Variants in CSMD1 observed in about 807,000 individuals in gnomAD.
CSMD1 encodes CUB and Sushi multiple domains 1, also known as CUB and sushi domain-containing protein 1.
A neutral mutation model predicts 417.5 loss-of-function variants in CSMD1; 213 were observed. The ratio of observed to expected loss-of-function variants is 0.51; its 90% CI spans 0.46 to 0.57. The LOEUF is 0.57. Ranked by LOEUF, CSMD1 falls within the 20% of genes least tolerant of loss-of-function variation. The probability of loss-of-function intolerance (pLI) is 0.00; values close to 1 mark genes in which losing one functional copy is unlikely to be tolerated. For missense variants in CSMD1, 6,923 were observed against 4,529.7 expected (o/e 1.53, Z -15.17); for synonymous variants, 2,862 against 1,736.8 (o/e 1.65, Z -16.11).
intron 1 of CSMD1, among the ~76,000 whole-genome samples, chr8:4,664,508 C>T (rs1804796556): frequency 6.6e-6 from 1 of 152,056 alleles, no homozygotes; most frequent in South Asian, 2.1e-4. Flanking sequence ...CTGCAGTGAG[C>T]CGTGATCATA....
At chr8:4,030,975 G>T (rs146184398) in intron 4 of CSMD1, among the ~76,000 whole-genome samples, 3 of 152,142 alleles carry the variant, frequency 2.0e-5, no homozygotes, top group Non-Finnish European at 4.4e-5. Context: ...CTTTGGTCCA[G>T]TTATGAACAA....
At chr8:4,010,637 T>G (rs1816471485) in intron 4 of CSMD1, among the ~76,000 whole-genome samples, 2 of 152,054 alleles carry the variant, frequency 1.3e-5, no homozygotes, top group African/African-American at 2.4e-5. Flanking sequence ...CCCAAACACC[T>G]AAACTCATAA....
chr8:3,011,255 G>C (rs980639535), intron 52 of CSMD1, among the ~76,000 whole-genome samples: 2 of 152,148 alleles, frequency 1.3e-5, no homozygotes, highest in Non-Finnish European at 2.9e-5. Flanking sequence ...GAAAATCTGA[G>C]AACTGGTATA....
rs1414166348 is a variant in CSMD1 at position 3,052,556 on chromosome 8, A to T, written c.7566T>A (p.His2522Gln). The change falls in exon 50 of 70, where the codon CAT becomes CAA. Residue 2522 changes from histidine (H) to glutamine (Q), a missense_variant. Coordinates refer to ENST00000635120, the MANE Select transcript of CSMD1 (RefSeq NM_033225.6). ...GGCTGGATTCAAGCTTGAAGCCCTC[A>T]TGACATTCATAGACCACTTTACTGT... ...TLDSKVVYECHEGFKLESSQQ... is the reference protein window; with the variant it reads ...TLDSKVVYECQEGFKLESSQQ... 1.2e-6 allele frequency: 2 copies of T among 1,609,940 alleles called. No individual in the cohort carries two copies. The highest frequency in any genetic ancestry group is 4.5e-5 in the East Asian group (2 of 44,800).
At chr8:3,394,295 A>G (rs1418660916) in intron 17 of CSMD1, among the ~76,000 whole-genome samples, 1 of 148,186 alleles carries the variant, frequency 6.7e-6, no homozygotes, top group Non-Finnish European at 1.5e-5. Flanking sequence ...ATAAAATATT[A>G]TTATTATAAT....
Position 4,707,801 on chromosome 8 carries a change from C to T in CSMD1, c.86-70243G>A, listed in dbSNP as rs551968512. On this transcript the variant is annotated intron_variant, in intron 1 of 69. Transcript: ENST00000635120. ...ACTCGGGAGGCTGAAGCAGAAGAATCGCTTGAACTCGGGAGGGAGAGGTTG... is the reference window on the plus strand; with the variant it reads ...ACTCGGGAGGCTGAAGCAGAAGAATTGCTTGAACTCGGGAGGGAGAGGTTG... Among the ~76,000 whole-genome samples the T allele has an allele frequency of 9.4e-5, 14 of 148,742 alleles. No individual in the cohort carries two copies. The East Asian group carries it at 2.9e-3, about 31-fold the overall frequency.
chr8:3,909,144 C>A (rs1440610315), intron 5 of CSMD1, among the ~76,000 whole-genome samples: 2 of 152,120 alleles, frequency 1.3e-5, no homozygotes. Flanking sequence ...TGAAGTGGAT[C>A]GTGATTGGTC....
intron 11 of CSMD1, among the ~76,000 whole-genome samples, chr8:3,493,402 A>G (rs985084383): frequency 2.0e-5 from 3 of 152,056 alleles, no homozygotes; most frequent in Non-Finnish European, 4.4e-5. Context: ...ATATGTTTTT[A>G]ATAATTGAAG....
chr8:3,663,580 C>T (rs1397990385), intron 7 of CSMD1, among the ~76,000 whole-genome samples: 2 of 152,176 alleles, frequency 1.3e-5, no homozygotes, highest in African/African-American at 4.8e-5. Flanking sequence ...CAAAGCCACC[C>T]CTCTGCTCAC....
chr8:3,817,842 C>T (rs1329900859), intron 5 of CSMD1, among the ~76,000 whole-genome samples: 1 of 152,080 alleles, frequency 6.6e-6, no homozygotes, highest in Non-Finnish European at 1.5e-5. Context: ...CCAGCTTTCC[C>T]AGAGTCCAGA....
In CSMD1 at chr8:2,949,329, CT is replaced by C; in HGVS notation, c.10371del (p.Asp3458ThrfsTer7). The C allele has an allele frequency of 6.2e-7, 1 of 1,607,612 alleles. No individual in the cohort carries two copies. The highest frequency in any genetic ancestry group is 8.5e-7 in the Non-Finnish European group (1 of 1,176,314). ...CTTTCTAGCTTAAATTTTCCAAAGT[CT>C]TTTCCATGAATGTCACCTTGAAAAG... ...GFTFQGDIHG[K>X]DFGKFKLERQ... On this transcript the variant is annotated frameshift_variant, in exon 68 of 70. Coordinates refer to ENST00000635120, the MANE Select transcript of CSMD1 (RefSeq NM_033225.6). LOFTEE classifies it high-confidence loss of function.
chr8:4,516,225 G>A (rs899446458), intron 2 of CSMD1, among the ~76,000 whole-genome samples: 7 of 152,106 alleles, frequency 4.6e-5, no homozygotes, highest in East Asian at 3.9e-4. Flanking sequence ...GGAAGACCAC[G>A]TGAGGACCCA....
chr8:3,649,392 G>C (rs1051637817), intron 7 of CSMD1, among the ~76,000 whole-genome samples: 6 of 152,282 alleles, frequency 3.9e-5, no homozygotes, highest in East Asian at 3.9e-4. Context: ...ATCTGTATTA[G>C]TTCGTTTTCA....
chr8:3,286,917 G>T (rs1436905354), intron 25 of CSMD1, among the ~76,000 whole-genome samples: 1 of 152,128 alleles, frequency 6.6e-6, no homozygotes, highest in Non-Finnish European at 1.5e-5. Flanking sequence ...GTCCTGAATG[G>T]TATTGCTTAG....
chr8:3,649,544 G>A (rs1440920135), intron 7 of CSMD1, among the ~76,000 whole-genome samples: 2 of 152,144 alleles, frequency 1.3e-5, no homozygotes, highest in Admixed American at 6.5e-5. Flanking sequence ...TCTTCACAAG[G>A]TGGCAGGAAG....
intron 2 of CSMD1, among the ~76,000 whole-genome samples, chr8:4,477,937 T>C (rs556747378): frequency 6.6e-6 from 1 of 152,210 alleles, no homozygotes; most frequent in Non-Finnish European, 1.5e-5. Flanking sequence ...TGGCGCATGA[T>C]AGCTATGCAA....
intron 1 of CSMD1, among the ~76,000 whole-genome samples, chr8:4,675,969 T>C (rs1245548486): frequency 1.3e-5 from 2 of 152,236 alleles, no homozygotes; most frequent in African/African-American, 4.8e-5. Context: ...TGTCTGCCTT[T>C]TATAGATAAT....
intron 5 of CSMD1, chr8:3,950,018 G>A: frequency 2.2e-6 from 1 of 455,818 alleles, no homozygotes; most frequent in Non-Finnish European, 4.4e-6. Context: ...AGGGTCCACG[G>A]CATTTCCTGT....
chr8:3,768,920 T>C (rs1254195500), intron 5 of CSMD1, among the ~76,000 whole-genome samples: 1 of 152,224 alleles, frequency 6.6e-6, no homozygotes, highest in Non-Finnish European at 1.5e-5. Flanking sequence ...TAGCACTCAC[T>C]GCTTTTCAAG....
Sources: gnomAD v4.1 joint callset for allele counts (sites outside exome capture counted in the v4.1 genomes callset) on GRCh38, gnomAD v4.1.1 for gene constraint, MANE v1.5 for transcripts, NCBI Gene and HGNC (gene_info 2026-07-23, HGNC 2026-07-21) for gene names.